Variants in TSC1 observed in about 807,000 individuals in gnomAD.
TSC1 encodes the protein hamartin.
TSC1 carries 20 observed loss-of-function variants against 124.3 expected under a neutral mutation model. That is an observed-to-expected ratio of 0.16 (90% CI 0.11 to 0.23). The LOEUF (loss-of-function observed/expected upper bound fraction) is 0.23. TSC1 is among the 10% of genes least tolerant of loss of function. The pLI is 1.00. For missense variants in TSC1, 1,124 were observed against 1,448.5 expected (o/e 0.78, Z 3.64); for synonymous variants, 493 against 539.1 (o/e 0.91, Z 1.19).
intron 12 of TSC1, among the ~76,000 whole-genome samples, chr9:132,908,398 G>A (rs1845776081): frequency 6.6e-6 from 1 of 152,136 alleles, no homozygotes; most frequent in Non-Finnish European, 1.5e-5. Context: ...TGACTGAAGT[G>A]TATAAAGAAA....
chr9:132,893,781 T>C lies in TSC1; in HGVS notation c.*2454A>G, dbSNP rs1380856011. On this transcript the variant is annotated 3_prime_UTR_variant, in exon 23 of 23. Transcript: ENST00000298552. The stretch of plus-strand genomic sequence containing the variant: ...GGTAGACTCTGCCCTTAACGCTTAT[T>C]GTACTAATACCTTTGCCCAGGACTG... 8.6e-6 allele frequency: 2 copies of C among 233,206 alleles called. No homozygotes were observed. Among genetic ancestry groups the C allele is most frequent in the African/African-American group, 4.4e-5 (2 of 45,350 alleles). 14.4% of individuals were successfully genotyped at this position (233,206 alleles called of 1,614,324 possible).
At position 132,917,479 on chromosome 9, in the gene TSC1, C is replaced by T. The variant is rs536829290; in HGVS notation, c.737+3884G>A. Reference sequence around the variant, plus strand: ...CCAAGTAGCTGGGATTACAGGCACCCACCACCATGCCCGACTAATTTTTTG... The same window carrying T: ...CCAAGTAGCTGGGATTACAGGCACCTACCACCATGCCCGACTAATTTTTTG... On this transcript the variant is annotated intron_variant, in intron 8 of 22. Transcript: ENST00000298552. 3.3e-5 allele frequency among the ~76,000 whole-genome samples: 5 copies of T among 152,096 alleles called. No homozygotes were observed. In the South Asian group the frequency reaches 1.0e-3, roughly 32 times the overall value.
intron 18 of TSC1, 22 bp from the exon 19 acceptor site, chr9:132,901,721 T>G (rs1424870037): frequency 1.2e-6 from 2 of 1,612,188 alleles, no homozygotes; most frequent in African/African-American, 1.3e-5. Flanking sequence ...GACGTGGACA[T>G]GAAGTTTGAG....
chr9:132,934,530 G>C (rs1441271288), intron 2 of TSC1: 1 of 152,326 alleles, frequency 6.6e-6, no homozygotes, highest in Non-Finnish European at 1.5e-5. Flanking sequence ...AGAAACTCTG[G>C]AGCAGGTTAA....
At position 132,906,393 on chromosome 9, in the gene TSC1, AT is replaced by A. The variant is rs1290476205; in HGVS notation, c.1439-255del. 8 of 559,076 alleles carry A rather than the reference AT, an allele frequency of 1.4e-5. No homozygotes were observed. The highest frequency in any genetic ancestry group is 7.5e-5 in the African/African-American group (4 of 53,074). The allele number at this position is 559,076 out of a possible 1,614,324, so 34.6% of individuals were successfully genotyped here. ...AGATCCCATCTCTACAAAAAATACA[AT>A]AAAAATCAGCTGAGCATCGTGGTGT... On this transcript the variant is annotated intron_variant, in intron 14 of 22. Coordinates refer to ENST00000298552, the MANE Select transcript of TSC1 (RefSeq NM_000368.5). This position sits in a 1 kb window ranked among gnomAD's most constrained non-coding sequence, Gnocchi z 4.1.
Position 132,895,983 on chromosome 9 carries a change from G to A in TSC1, c.*252C>T. The stretch of plus-strand genomic sequence containing the variant: ...TAAAGCTACTGAGGAACACCAACTG[G>A]CCCTTGGATTAGAACACACTGCGAG... On this transcript the variant is annotated 3_prime_UTR_variant, in exon 23 of 23. Transcript: ENST00000298552. The A allele has an allele frequency of 1.8e-6, 1 of 556,966 alleles. No homozygotes were observed. Among genetic ancestry groups the A allele is most frequent in the Non-Finnish European group, 3.2e-6 (1 of 309,416 alleles). The allele number at this position is 556,966 out of a possible 1,614,324, so 34.5% of individuals were successfully genotyped here. A position where few individuals can be genotyped will look rare whatever the true frequency, so the allele number is the denominator to read the frequency against.
In TSC1 at chr9:132,905,934, T is replaced by C; in HGVS notation, c.1644A>G (p.Pro548=). 6.2e-7 allele frequency: 1 copy of C among 1,613,746 alleles called. No individual in the cohort carries two copies. Among genetic ancestry groups the C allele is most frequent in the South Asian group, 1.1e-5 (1 of 91,088 alleles). The change falls in exon 15 of 23, where the codon CCA becomes CCG. Residue 548 remains proline (P), a synonymous_variant. Coordinates refer to ENST00000298552, the MANE Select transcript of TSC1 (RefSeq NM_000368.5). ...GGTCTATGGGAGTAAAGGCTTGCTTTGGTGTGTCAGGCCCAAGCTTGTCCA... is the reference window on the plus strand; with the variant it reads ...GGTCTATGGGAGTAAAGGCTTGCTTCGGTGTGTCAGGCCCAAGCTTGTCCA... ...SSLDKLGPDT[P]KQAFTPIDLP...
At position 132,892,226 on chromosome 9, in the gene TSC1, G is replaced by A. The variant is rs752925196; in HGVS notation, c.*4009C>T. On this transcript the variant is annotated 3_prime_UTR_variant, in exon 23 of 23. Transcript: ENST00000298552. ...GGACAAGGGTCACAGCAGCAGCCTA[G>A]GGGCCAGTCCTCGACCTAAACTTGT... The A allele has an allele frequency of 4.3e-6, 1 of 233,266 alleles. No homozygotes were observed. The highest frequency in any genetic ancestry group is 2.2e-5 in the African/African-American group (1 of 45,358). The allele number at this position is 233,266 out of a possible 1,614,324, so 14.4% of individuals were successfully genotyped here. A position where few individuals can be genotyped will look rare whatever the true frequency, so the allele number is the denominator to read the frequency against.
Position 132,906,576 on chromosome 9 carries a change from A to T in TSC1, c.1438+155T>A, listed in dbSNP as rs903358956. 10 of 655,466 alleles carry T rather than the reference A, an allele frequency of 1.5e-5. No individual in the cohort carries two copies. The highest frequency in any genetic ancestry group is 2.4e-5 in the Non-Finnish European group (9 of 378,366). 40.6% of individuals were successfully genotyped at this position (655,466 alleles called of 1,614,324 possible). A position where few individuals can be genotyped will look rare whatever the true frequency, so the allele number is the denominator to read the frequency against. On this transcript the variant is annotated intron_variant, in intron 14 of 22. Transcript: ENST00000298552. This position sits in a 1 kb window ranked among gnomAD's most constrained non-coding sequence, Gnocchi z 4.1. ...AAAAAAAAAAAAAAAAAGTGGCATC[A>T]CTTTACCTGGCATAGGTCCCAGACT...
rs10712193 is a variant in TSC1, at chr9:132,910,301, CAAAAAAAAAAA to C, written c.1263+259_1263+269del. 5.7e-4 allele frequency: 274 copies of C among 479,168 alleles called. 2 individuals carry two copies. The highest frequency in any genetic ancestry group is 5.3e-3 in the South Asian group (221 of 42,070). 29.7% of individuals were successfully genotyped at this position (479,168 alleles called of 1,614,324 possible). A position where few individuals can be genotyped will look rare whatever the true frequency, so the allele number is the denominator to read the frequency against. On this transcript the variant is annotated intron_variant, in intron 12 of 22. Transcript: ENST00000298552. The stretch of plus-strand genomic sequence containing the variant: ...GGGCGACAGAGCAAGACCCTGTCTC[CAAAAAAAAAAA>C]AAAAAAAAAAATCAAGAGAGTAGGT...
chr9:132,897,942 A>G (rs547616247), intron 20 of TSC1, among the ~76,000 whole-genome samples: 16 of 152,378 alleles, frequency 1.1e-4, no homozygotes, highest in African/African-American at 3.4e-4. Flanking sequence ...AATACATCCT[A>G]TATTTCTAAG....
chr9:132,909,443 G>C (rs1009453590), intron 12 of TSC1, among the ~76,000 whole-genome samples: 2 of 152,158 alleles, frequency 1.3e-5, no homozygotes, highest in Non-Finnish European at 2.9e-5. Context: ...TTAATATCTT[G>C]ATTTCCACCT....
chr9:132,918,684 A>C (rs1426319004), intron 8 of TSC1, among the ~76,000 whole-genome samples: 1 of 152,186 alleles, frequency 6.6e-6, no homozygotes, highest in Non-Finnish European at 1.5e-5. Flanking sequence ...GACCCCTACC[A>C]GCCTGAAAAT....
chr9:132,893,987 A>C lies in TSC1; in HGVS notation c.*2248T>G. The stretch of plus-strand genomic sequence containing the variant: ...TACATTTTTAGGTTGGGCACCTTCA[A>C]CATGACTCCAGGTCTCATTCTCCCA... On this transcript the variant is annotated 3_prime_UTR_variant, in exon 23 of 23. Coordinates refer to ENST00000298552, the MANE Select transcript of TSC1 (RefSeq NM_000368.5). 1 of 233,426 alleles carries C rather than the reference A, an allele frequency of 4.3e-6. No homozygotes were observed. Among genetic ancestry groups the C allele is most frequent in the Non-Finnish European group, 8.5e-6 (1 of 118,006 alleles). The allele number at this position is 233,426 out of a possible 1,614,324, so 14.5% of individuals were successfully genotyped here.
At chr9:132,932,836 C>T (rs1351142520) in intron 2 of TSC1, among the ~76,000 whole-genome samples, 2 of 152,308 alleles carry the variant, frequency 1.3e-5, no homozygotes, top group Non-Finnish European at 2.9e-5. Flanking sequence ...CCTCCCCTGA[C>T]CACCCAATCT....
rs1012269726 is a variant in TSC1 at position 132,944,538 on chromosome 9, C to G, written c.-144+5G>C. The G allele has an allele frequency of 1.8e-5, 7 of 398,728 alleles. No individual in the cohort carries two copies. The highest frequency in any genetic ancestry group is 1.4e-4 in the African/African-American group (7 of 48,772). The allele number at this position is 398,728 out of a possible 1,614,324, so 24.7% of individuals were successfully genotyped here. ...AAAAGGAGGGGGAGACACCCCCATA[C>G]TCACCCACCGTCTCCTCCCCCTCAG... is the stretch of plus-strand genomic sequence containing the variant. On this transcript the variant is annotated splice_donor_5th_base_variant and intron_variant, in intron 1 of 22. Transcript: ENST00000298552.
chr9:132,943,094 C>A (rs571877500), intron 1 of TSC1, among the ~76,000 whole-genome samples: 1 of 152,078 alleles, frequency 6.6e-6, no homozygotes. Flanking sequence ...TCCACTTTGC[C>A]GGCCTGTTTG....
rs2131725428 is a variant in TSC1, at chr9:132,902,539, C to T, written c.2391+66G>A. 1 of 1,592,750 alleles carries T rather than the reference C, an allele frequency of 6.3e-7. No individual in the cohort carries two copies. ...AGTCAAGGACACCCAGGGAAACTGA[C>T]TGCCTCCCTCCCCACTGCTCTCCGG... On this transcript the variant is annotated intron_variant, in intron 18 of 22. Coordinates refer to ENST00000298552, the MANE Select transcript of TSC1 (RefSeq NM_000368.5). This position sits in a 1 kb window ranked among gnomAD's most constrained non-coding sequence, Gnocchi z 5.2.
Position 132,895,609 on chromosome 9 carries a change from C to A in TSC1, c.*626G>T, listed in dbSNP as rs1844991260. ...GAAACAGGCTTCTGTTTACACAGAA[C>A]TTTCTAGGAAGCTTATCAGAACTGC... On this transcript the variant is annotated 3_prime_UTR_variant, in exon 23 of 23. Transcript: ENST00000298552. 8.5e-6 allele frequency: 2 copies of A among 234,802 alleles called. No individual in the cohort carries two copies. The highest frequency in any genetic ancestry group is 8.4e-6 in the Non-Finnish European group (1 of 119,174). 14.5% of individuals were successfully genotyped at this position (234,802 alleles called of 1,614,324 possible). A position where few individuals can be genotyped will look rare whatever the true frequency, so the allele number is the denominator to read the frequency against.
Sources: allele counts gnomAD v4.1 joint callset (sites outside exome capture counted in the v4.1 genomes callset), GRCh38; gene constraint gnomAD v4.1.1; non-coding constraint Gnocchi (gnomAD v3.1); transcripts MANE v1.5; gene names NCBI Gene and HGNC (gene_info 2026-07-23, HGNC 2026-07-21).